Variants in RTKN2 observed in about 807,000 individuals in gnomAD.
RTKN2 encodes the protein rhotekin-2.
Under a neutral mutation model 71.5 loss-of-function variants are expected in RTKN2, and 69 were observed. The observed-to-expected ratio is 0.96, with a 90% CI of 0.79 to 1.18. The LOEUF (loss-of-function observed/expected upper bound fraction) is 1.18, where lower values mean the gene tolerates loss of function less well. RTKN2 is among the 50% of genes most tolerant of loss of function. The pLI, the probability that RTKN2 is intolerant of heterozygous loss-of-function variation, is 0.00. For synonymous variants in RTKN2, 236 were observed against 236.5 expected (o/e 1.00, Z 0.02); for missense variants, 724 against 719.7 (o/e 1.01, Z -0.07).
chr10:62,199,723 C>T, intron 11 of RTKN2, 31 bp downstream of exon 11: 2 of 1,331,098 alleles, frequency 1.5e-6, no homozygotes, highest in Non-Finnish European at 1.1e-6. Context: ...TTTTGTTATC[C>T]TGCAGCTTAG....
intron 7 of RTKN2, among the ~76,000 whole-genome samples, chr10:62,220,434 A>G (rs986637436): frequency 6.6e-6 from 1 of 152,238 alleles, no homozygotes; most frequent in African/African-American, 2.4e-5. Flanking sequence ...AATACATCTG[A>G]AATCAACTTT....
intron 7 of RTKN2, among the ~76,000 whole-genome samples, chr10:62,222,446 C>T (rs1040273466): frequency 6.6e-6 from 1 of 152,050 alleles, no homozygotes; most frequent in African/African-American, 2.4e-5. Context: ...ATTTACATTT[C>T]ATGAACTTTT....
chr10:62,214,886 T>G lies in RTKN2; in HGVS notation c.1020+2232A>C, dbSNP rs558747141. On this transcript the variant is annotated intron_variant, in intron 9 of 11. Transcript: ENST00000373789. ...ACAGTCCATGAATTTTTATCTATTT[T>G]TTCCTACTCATTAGGAAAAGGGTGA... 2.4e-4 allele frequency: 112 copies of G among 465,912 alleles called. 1 individual carries two copies. The highest frequency in any genetic ancestry group is 2.1e-3 in the African/African-American group (105 of 49,274). 28.9% of individuals were successfully genotyped at this position (465,912 alleles called of 1,614,324 possible).
At chr10:62,217,967 C>A (rs1841812428) in intron 8 of RTKN2, among the ~76,000 whole-genome samples, 1 of 152,058 alleles carries the variant, frequency 6.6e-6, no homozygotes, top group Non-Finnish European at 1.5e-5. Flanking sequence ...AGCAGAGGAG[C>A]ATGGAGAGGT....
At position 62,217,722 on chromosome 10, in the gene RTKN2, A is replaced by T. The variant is rs114581144; in HGVS notation, c.888+473T>A. On this transcript the variant is annotated intron_variant, in intron 8 of 11. Transcript: ENST00000373789. ...TCCTCCTAATGGAATCTTTTAGAAA[A>T]AGCTATTGATTCATTGAAGTTCACA... 2.9e-3 allele frequency among the ~76,000 whole-genome samples: 438 copies of T among 152,308 alleles called. 2 individuals carry two copies. Among genetic ancestry groups the T allele is most frequent in the African/African-American group, 9.8e-3 (407 of 41,566 alleles).
chr10:62,259,132 T>C, intron 2 of RTKN2: 1 of 437,266 alleles, frequency 2.3e-6, no homozygotes, highest in South Asian at 1.6e-5. Flanking sequence ...CAAGATCTGA[T>C]GGTTTTATAA....
intron 6 of RTKN2, among the ~76,000 whole-genome samples, chr10:62,233,303 T>G (rs970488882): frequency 1.3e-5 from 2 of 152,170 alleles, no homozygotes; most frequent in Non-Finnish European, 2.9e-5. Context: ...TGCTTAAACC[T>G]GGAAATAGAA....
intron 9 of RTKN2, among the ~76,000 whole-genome samples, chr10:62,208,568 C>T (rs574697149): frequency 3.7e-4 from 57 of 152,126 alleles, no homozygotes; most frequent in Admixed American, 3.1e-3. Context: ...TCCAAAAATT[C>T]AAAACGATAT....
chr10:62,260,181 G>A (rs1264715821), intron 2 of RTKN2, among the ~76,000 whole-genome samples: 1 of 152,022 alleles, frequency 6.6e-6, no homozygotes, highest in South Asian at 2.1e-4. Context: ...GTCTCTAAAG[G>A]CAAAATATTT....
At chr10:62,220,205 T>C (rs914934637) in intron 7 of RTKN2, among the ~76,000 whole-genome samples, 1 of 152,232 alleles carries the variant, frequency 6.6e-6, no homozygotes, top group Non-Finnish European at 1.5e-5. Context: ...GATTCTACTA[T>C]AGAATAGTAC....
At chr10:62,187,176 T>C (rs957540691) in intron 8 of RTKN2, among the ~76,000 whole-genome samples, 2 of 152,118 alleles carry the variant, frequency 1.3e-5, no homozygotes, top group Non-Finnish European at 2.9e-5. Flanking sequence ...AGGCACACTA[T>C]TCTGATTTCC....
intron 11 of RTKN2, among the ~76,000 whole-genome samples, chr10:62,198,869 T>C (rs2132797267): frequency 6.6e-6 from 1 of 152,278 alleles, no homozygotes; most frequent in South Asian, 2.1e-4. Context: ...GATTTCCTTT[T>C]TTACAAAAGC....
intron 9 of RTKN2, among the ~76,000 whole-genome samples, chr10:62,214,205 T>C (rs986352931): frequency 6.6e-6 from 1 of 151,948 alleles, no homozygotes; most frequent in African/African-American, 2.4e-5. Context: ...TAATAATAAA[T>C]ATATCTTTCC....
At chr10:62,228,632 C>A (rs111362281) in intron 6 of RTKN2, among the ~76,000 whole-genome samples, 5 of 152,090 alleles carry the variant, frequency 3.3e-5, no homozygotes, top group African/African-American at 1.2e-4. Flanking sequence ...TATAAGTATA[C>A]AGAAATGATG....
intron 9 of RTKN2, among the ~76,000 whole-genome samples, chr10:62,211,897 CT>C (rs1841666512): frequency 6.6e-6 from 1 of 152,096 alleles, no homozygotes; most frequent in Admixed American, 6.5e-5. Flanking sequence ...ATCTCCTGAT[CT>C]CCTGATCCGC....
intron 6 of RTKN2, among the ~76,000 whole-genome samples, chr10:62,229,534 A>G (rs1353222015): frequency 6.6e-6 from 1 of 152,176 alleles, no homozygotes; most frequent in Non-Finnish European, 1.5e-5. Context: ...TTTGGGTTTT[A>G]TTTTTAGGAC....
At chr10:62,201,190 C>A (rs1564499493) in intron 10 of RTKN2, among the ~76,000 whole-genome samples, 1 of 151,976 alleles carries the variant, frequency 6.6e-6, no homozygotes, top group Non-Finnish European at 1.5e-5. Context: ...ATTTCATACC[C>A]AACTTGATTA....
intron 4 of RTKN2, 21 bp downstream of exon 4, chr10:62,241,121 A>G: frequency 7.1e-7 from 1 of 1,405,574 alleles, no homozygotes; most frequent in Non-Finnish European, 9.9e-7. Context: ...CATTTCAATT[A>G]CAAATTAAAA....
downstream of RTKN2, among the ~76,000 whole-genome samples, chr10:62,191,629 C>G (rs900171606): frequency 6.6e-6 from 1 of 152,132 alleles, no homozygotes; most frequent in African/African-American, 2.4e-5. Context: ...ATATGGGAGG[C>G]AGGTCAAACC....
Sources: allele counts gnomAD v4.1 joint callset (sites outside exome capture counted in the v4.1 genomes callset), GRCh38; gene constraint gnomAD v4.1.1; transcripts MANE v1.5; gene names NCBI Gene and HGNC (gene_info 2026-07-23, HGNC 2026-07-21).